SFXN5: variants seen among roughly 807,000 people sequenced by gnomAD.
SFXN5 encodes sideroflexin 5.
In SFXN5, 43 loss-of-function variants were observed where a neutral mutation model predicts 50.2. That is an observed-to-expected ratio of 0.86 (90% CI 0.67 to 1.11). The LOEUF is 1.11. Among genes scored for constraint, SFXN5 ranks in the 50% least tolerant of loss-of-function variants. The pLI is 0.00. For missense variants in SFXN5, 463 were observed against 454.1 expected, an observed-to-expected ratio of 1.02 and a Z score of -0.18; for synonymous variants, 203 against 185.8, an observed-to-expected ratio of 1.09 and a Z score of -0.75.
At chr2:73,000,877 C>A (rs184813035) in intron 7 of SFXN5, among the ~76,000 whole-genome samples, 1 of 152,330 alleles carries the variant, frequency 6.6e-6, no homozygotes, top group East Asian at 1.9e-4. Flanking sequence ...GACAGCCCTA[C>A]AATTCTTTCA....
chr2:73,067,934 T>C (rs1387918042), intron 1 of SFXN5, among the ~76,000 whole-genome samples: 1 of 152,236 alleles, frequency 6.6e-6, no homozygotes, highest in African/African-American at 2.4e-5. Flanking sequence ...TTGCACCTGC[T>C]TCACAGGGTT....
At chr2:73,001,913 C>T (rs1421078075) in intron 6 of SFXN5, among the ~76,000 whole-genome samples, 4 of 152,162 alleles carry the variant, frequency 2.6e-5, no homozygotes, top group Non-Finnish European at 5.9e-5. Context: ...ATTACTTTTG[C>T]ACAATCTTAA....
intron 2 of SFXN5, among the ~76,000 whole-genome samples, chr2:73,056,541 C>G (rs934368664): frequency 1.3e-5 from 2 of 151,810 alleles, no homozygotes; most frequent in Non-Finnish European, 1.5e-5. Flanking sequence ...CAAAATTAGC[C>G]GGGCATGGTG....
chr2:73,052,360 G>A (rs767326183), intron 2 of SFXN5, among the ~76,000 whole-genome samples: 5 of 75,868 alleles, frequency 6.6e-5, no homozygotes, highest in African/African-American at 4.0e-4. Context: ...GTGTGTATGC[G>A]TGTGTGTGTG....
intron 1 of SFXN5, chr2:73,059,279 G>A: frequency 1.0e-6 from 1 of 985,682 alleles, no homozygotes; most frequent in Non-Finnish European, 1.2e-6. Context: ...TTCTGCCCTG[G>A]GGACTAAGCC....
At chr2:72,983,760 T>C (rs1261662574) in intron 10 of SFXN5, among the ~76,000 whole-genome samples, 2 of 152,190 alleles carry the variant, frequency 1.3e-5, no homozygotes, top group Non-Finnish European at 2.9e-5. Flanking sequence ...CCCTGGCCAC[T>C]GCCACCTCTG....
At chr2:72,971,723 G>C (rs777111337) in intron 10 of SFXN5, 38 bp from the exon 11 acceptor site, 20 of 1,526,422 alleles carry the variant, frequency 1.3e-5, no homozygotes, top group Non-Finnish European at 1.6e-5. Flanking sequence ...GGATGAGGAG[G>C]AAGATGGCAT....
chr2:73,054,483 G>A (rs976240441), intron 2 of SFXN5, among the ~76,000 whole-genome samples: 30 of 152,122 alleles, frequency 2.0e-4, no homozygotes, highest in African/African-American at 6.8e-4. Flanking sequence ...TAAAATTGTG[G>A]TACAAGGAGG....
intron 2 of SFXN5, among the ~76,000 whole-genome samples, chr2:73,047,240 AAAAAAATATATATATATATAT>A (rs1680495778): frequency 1.6e-5 from 1 of 60,644 alleles, no homozygotes; most frequent in African/African-American, 8.9e-5. Flanking sequence ...AAAAAAAAAA[AAAAAAATATATATATATATAT>A]ATATATATAT....
chr2:73,026,126 C>CTTTTTTTTT lies in SFXN5; in HGVS notation c.250-2921_250-2913dup, dbSNP rs759334127. 5.9e-3 allele frequency among the ~76,000 whole-genome samples: 783 copies of CTTTTTTTTT among 133,400 alleles called. 50 individuals are homozygous for CTTTTTTTTT. The highest frequency in any genetic ancestry group is 0.011 in the African/African-American group (361 of 32,558). 87.5% of individuals were successfully genotyped at this position (133,400 alleles called of 152,430 possible). A position where few individuals can be genotyped will look rare whatever the true frequency, so the allele number is the denominator to read the frequency against. On this transcript the variant is annotated intron_variant, in intron 3 of 13. Transcript: ENST00000272433. Reference sequence around the variant, plus strand: ...CCAGTGGTCTAATGCTGTGTGGCTGCTTTTTTTTTTTCTTTTTTTGAGACA... The same window carrying CTTTTTTTTT: ...CCAGTGGTCTAATGCTGTGTGGCTGCTTTTTTTTTTTTTTTTTTTTCTTTTTTTGAGACA...
At chr2:72,949,643 T>G in intron 13 of SFXN5, among the ~76,000 whole-genome samples, 2 of 140,146 alleles carry the variant, frequency 1.4e-5, no homozygotes, top group African/African-American at 2.7e-5. Context: ...CTTGGGATGG[T>G]GGGTGTGGAG....
At chr2:72,995,201 A>C (rs1367199276) in intron 9 of SFXN5, among the ~76,000 whole-genome samples, 1 of 152,176 alleles carries the variant, frequency 6.6e-6, no homozygotes, top group African/African-American at 2.4e-5. Context: ...GCCGGGGCCC[A>C]GGGAGGGCCG....
At chr2:72,957,182 C>T (rs1036360498) in intron 13 of SFXN5, 5 of 425,926 alleles carry the variant, frequency 1.2e-5, no homozygotes, top group Non-Finnish European at 2.4e-5. Flanking sequence ...GCCAAACTCT[C>T]TCCCCAGAGC....
In SFXN5 at chr2:72,961,000, C is replaced by T. The variant is rs1673659021; in HGVS notation, c.945+131G>A. 1.7e-6 allele frequency: 1 copy of T among 575,436 alleles called. No homozygotes were observed. Among genetic ancestry groups the T allele is most frequent in the Non-Finnish European group, 2.8e-6 (1 of 356,716 alleles). 35.6% of individuals were successfully genotyped at this position (575,436 alleles called of 1,614,324 possible). ...TCACTCTGAGGGCCAGAGCCTGGGCCAGCCTCATTCACGGTTCCAGCCCCA... is the reference window on the plus strand; with the variant it reads ...TCACTCTGAGGGCCAGAGCCTGGGCTAGCCTCATTCACGGTTCCAGCCCCA... On this transcript the variant is annotated intron_variant, in intron 13 of 13. Transcript: ENST00000272433. The surrounding 1 kb of genome is among the most constrained non-coding windows in gnomAD (Gnocchi z 6.1).
At chr2:72,993,166 GATA>G (rs1672817534) in intron 9 of SFXN5, among the ~76,000 whole-genome samples, 1 of 152,218 alleles carries the variant, frequency 6.6e-6, no homozygotes, top group Non-Finnish European at 1.5e-5. Context: ...TTGGGTGGTA[GATA>G]ATAATGTAAC....
chr2:73,055,885 G>A (rs1283571512), intron 2 of SFXN5, among the ~76,000 whole-genome samples: 6 of 152,158 alleles, frequency 3.9e-5, no homozygotes, highest in South Asian at 2.1e-4. Context: ...CCAAAGTGCC[G>A]GGATTACAGG....
intron 6 of SFXN5, among the ~76,000 whole-genome samples, chr2:73,004,447 A>C (rs1275411275): frequency 6.6e-6 from 1 of 152,132 alleles, no homozygotes; most frequent in Non-Finnish European, 1.5e-5. Flanking sequence ...TGGTTTAATG[A>C]GGTATTTGGT....
At chr2:72,949,969 T>G (rs1672353752) in intron 13 of SFXN5, among the ~76,000 whole-genome samples, 1 of 151,156 alleles carries the variant, frequency 6.6e-6, no homozygotes, top group Non-Finnish European at 1.5e-5. Context: ...CCACATGGAG[T>G]CTGGGGTGCC....
chr2:72,998,201 G>A (rs1673474512), intron 9 of SFXN5: 1 of 152,224 alleles, frequency 6.6e-6, no homozygotes, highest in South Asian at 2.1e-4. Flanking sequence ...CATCCTAGTG[G>A]GGATCCAGAG....
Sources: gnomAD v4.1 joint callset for allele counts (sites outside exome capture counted in the v4.1 genomes callset) on GRCh38, gnomAD v4.1.1 for gene constraint, Gnocchi (gnomAD v3.1) non-coding constraint, MANE v1.5 for transcripts, NCBI Gene and HGNC (gene_info 2026-07-23, HGNC 2026-07-21) for gene names.